The following RGS21 variants were observed in gnomAD, a reference collection of about 807,000 sequenced individuals.
RGS21 encodes the protein regulator of G protein signaling 21.
In RGS21, 19 loss-of-function variants were observed where a neutral mutation model predicts 18.7. The observed-to-expected ratio is 1.01, with a 90% CI of 0.71 to 1.49. The LOEUF (loss-of-function observed/expected upper bound fraction) is 1.49. Among genes scored for constraint, RGS21 ranks in the 40% most tolerant of loss-of-function variants. RGS21 has a pLI of 0.00. For missense variants in RGS21, 194 were observed against 176.8 expected (o/e 1.10, Z -0.55); for synonymous variants, 56 against 57.8 (o/e 0.97, Z 0.14).
intron 1 of RGS21, among the ~76,000 whole-genome samples, chr1:192,337,295 T>C (rs16834177): frequency 0.11 from 16,460 of 152,028 alleles, 1,182 homozygotes; most frequent in African/African-American, 0.17. Context: ...CTACCCAGAC[T>C]GTGATATTAC....
chr1:192,345,716 T>A (rs1171016968), intron 2 of RGS21, among the ~76,000 whole-genome samples: 1 of 152,070 alleles, frequency 6.6e-6, no homozygotes, highest in African/African-American at 2.4e-5. Flanking sequence ...CATTAGCATA[T>A]GTTCCACAGG....
At chr1:192,326,338 T>C (rs1348670158) in intron 1 of RGS21, among the ~76,000 whole-genome samples, 2 of 152,100 alleles carry the variant, frequency 1.3e-5, no homozygotes, top group Admixed American at 1.3e-4. Flanking sequence ...AATTAGACTC[T>C]CTTAAAACGG....
chr1:192,344,315 A>T (rs537884621), intron 2 of RGS21, among the ~76,000 whole-genome samples: 9 of 152,252 alleles, frequency 5.9e-5, no homozygotes, highest in Admixed American at 3.9e-4. Flanking sequence ...TAACTCATCC[A>T]TTTAAGAAGT....
At chr1:192,349,110 G>C (rs1415673165) in intron 3 of RGS21, among the ~76,000 whole-genome samples, 1 of 152,090 alleles carries the variant, frequency 6.6e-6, no homozygotes, top group Non-Finnish European at 1.5e-5. Context: ...TAAGCAATGG[G>C]ACAGATCAAG....
At chr1:192,325,500 A>C (rs575171575) in intron 1 of RGS21, among the ~76,000 whole-genome samples, 1 of 152,226 alleles carries the variant, frequency 6.6e-6, no homozygotes, top group African/African-American at 2.4e-5. Flanking sequence ...GTCAAATGGT[A>C]GTTCTGTTTT....
At chr1:192,345,577 A>G (rs1658933869) in intron 2 of RGS21, among the ~76,000 whole-genome samples, 1 of 152,084 alleles carries the variant, frequency 6.6e-6, no homozygotes, top group South Asian at 2.1e-4. Flanking sequence ...GATGACTTAC[A>G]TACTAATGGG....
chr1:192,354,951 T>C (rs900249348), intron 4 of RGS21, among the ~76,000 whole-genome samples: 12 of 151,768 alleles, frequency 7.9e-5, no homozygotes, highest in African/African-American at 2.9e-4. Context: ...CTAATGGGTA[T>C]CAGTTTCCTA....
chr1:192,327,873 G>A (rs1571449555), intron 1 of RGS21, among the ~76,000 whole-genome samples: 1 of 152,154 alleles, frequency 6.6e-6, no homozygotes, highest in East Asian at 1.9e-4. Flanking sequence ...TATATCCCCT[G>A]TTATATGCAT....
In RGS21 at chr1:192,340,458, T is replaced by C. The variant is rs1287458503; in HGVS notation, c.-60-2519T>C. ...AAGAATCCACATTTGCATATGAACTTGTTACTCTTGTCTCAAAATTTATGC... is the reference window on the plus strand; with the variant it reads ...AAGAATCCACATTTGCATATGAACTCGTTACTCTTGTCTCAAAATTTATGC... On this transcript the variant is annotated intron_variant, in intron 1 of 4. Coordinates refer to ENST00000417209, the MANE Select transcript of RGS21 (RefSeq NM_001039152.3). Among the ~76,000 whole-genome samples, 3 of 152,104 alleles carry C rather than the reference T, an allele frequency of 2.0e-5. No homozygotes were observed. In the East Asian group the frequency reaches 5.8e-4, roughly 29 times the overall value.
chr1:192,324,934 A>G (rs944017550), intron 1 of RGS21, among the ~76,000 whole-genome samples: 9 of 152,206 alleles, frequency 5.9e-5, no homozygotes, highest in Middle Eastern at 3.4e-3. Context: ...GTGAGACTCT[A>G]TAAGCTACAA....
rs773352747 is a variant in RGS21 at position 192,329,526 on chromosome 1, T to C, written c.-61+12421T>C. 1.0e-3 allele frequency among the ~76,000 whole-genome samples: 157 copies of C among 152,226 alleles called. 1 individual carries two copies. The highest frequency in any genetic ancestry group is 2.0e-3 in the Non-Finnish European group (136 of 67,956). ...AAGGGGCATCTATGTAAATTGTGAC[T>C]TACATAAGAAAAATAAAAACATATA... On this transcript the variant is annotated intron_variant, in intron 1 of 4. Transcript: ENST00000417209.
chr1:192,330,257 T>C (rs1440074939), intron 1 of RGS21, among the ~76,000 whole-genome samples: 1 of 152,166 alleles, frequency 6.6e-6, no homozygotes, highest in Non-Finnish European at 1.5e-5. Flanking sequence ...GGATCAGAGA[T>C]GGGAAATCAT....
intron 1 of RGS21, among the ~76,000 whole-genome samples, chr1:192,335,001 A>G (rs1658744301): frequency 6.6e-6 from 1 of 152,106 alleles, no homozygotes; most frequent in South Asian, 2.1e-4. Flanking sequence ...ATTTATCACC[A>G]TATCTGGACC....
At chr1:192,324,159 T>C (rs1658534069) in intron 1 of RGS21, among the ~76,000 whole-genome samples, 1 of 119,104 alleles carries the variant, frequency 8.4e-6, no homozygotes, top group South Asian at 2.5e-4. Context: ...AAAAACAGCA[T>C]AAAGAGTTTT....
At chr1:192,337,602 C>T (rs2102227675) in intron 1 of RGS21, among the ~76,000 whole-genome samples, 1 of 152,096 alleles carries the variant, frequency 6.6e-6, no homozygotes, top group South Asian at 2.1e-4. Context: ...GCTGTGTATA[C>T]ACGATGGCAA....
At chr1:192,329,929 G>A (rs1327240239) in intron 1 of RGS21, among the ~76,000 whole-genome samples, 1 of 152,108 alleles carries the variant, frequency 6.6e-6, no homozygotes, top group East Asian at 1.9e-4. Flanking sequence ...CTTGTTTATA[G>A]TAAGCTAAAA....
intron 4 of RGS21, among the ~76,000 whole-genome samples, chr1:192,354,295 G>C (rs1297731288): frequency 6.6e-6 from 1 of 151,724 alleles, no homozygotes; most frequent in Non-Finnish European, 1.5e-5. Context: ...CGGTAGGAAA[G>C]AGTGATTTAA....
chr1:192,352,269 A>G (rs1659055279), intron 4 of RGS21, 56 bp downstream of exon 4: 7 of 1,249,314 alleles, frequency 5.6e-6, no homozygotes, highest in Middle Eastern at 3.9e-4. Context: ...TCTGCTCCCA[A>G]TTAGAAGACC....
chr1:192,343,059 T>C lies in RGS21; in HGVS notation c.11+12T>C. The C allele has an allele frequency of 1.2e-6, 2 of 1,611,872 alleles. No individual in the cohort carries two copies. Among genetic ancestry groups the C allele is most frequent in the East Asian group, 2.2e-5 (1 of 44,798 alleles). On this transcript the variant is annotated intron_variant, in intron 2 of 4. Transcript: ENST00000417209. Reference sequence around the variant, plus strand: ...AAAATGCCAGTGAAGTGAGTTGCCGTTTCCAGCTATTTTTATCTCAGAAGA... The same window carrying C: ...AAAATGCCAGTGAAGTGAGTTGCCGCTTCCAGCTATTTTTATCTCAGAAGA...
Sources: allele counts gnomAD v4.1 joint callset (sites outside exome capture counted in the v4.1 genomes callset), GRCh38; gene constraint gnomAD v4.1.1; transcripts MANE v1.5; gene names NCBI Gene and HGNC (gene_info 2026-07-23, HGNC 2026-07-21).